The following CAPN10 variants were observed in gnomAD, a reference collection of about 807,000 sequenced individuals.
The protein encoded by CAPN10 is calpain 10, also known as calpain-10.
Under a neutral mutation model 78.4 loss-of-function variants are expected in CAPN10, and 71 were observed. The observed-to-expected ratio is 0.91, with a 90% CI of 0.75 to 1.10. The LOEUF is 1.10. Among genes scored for constraint, CAPN10 ranks in the 50% least tolerant of loss-of-function variants. The probability of loss-of-function intolerance (pLI) is 0.00; values close to 1 mark genes in which losing one functional copy is unlikely to be tolerated. For missense variants in CAPN10, 849 were observed against 924.6 expected (o/e 0.92, Z 1.06); for synonymous variants, 437 against 407.2 (o/e 1.07, Z -0.88).
At position 240,591,660 on chromosome 2, in the gene CAPN10, G is replaced by A. The variant is rs888795794; in HGVS notation, c.471-273G>A. On this transcript the variant is annotated intron_variant, in intron 3 of 11. Transcript: ENST00000391984. ...GGATGTGGGCATCCATAGCTTCCAC[G>A]CCTCCTGCCCTGCTCCTGTGCCCAC... is the stretch of plus-strand genomic sequence containing the variant. 343 of 498,624 alleles carry A rather than the reference G, an allele frequency of 6.9e-4. 1 individual carries two copies. The highest frequency in any genetic ancestry group is 1.5e-4 in the Non-Finnish European group (41 of 280,958). 30.9% of individuals were successfully genotyped at this position (498,624 alleles called of 1,614,324 possible). A position where few individuals can be genotyped will look rare whatever the true frequency, so the allele number is the denominator to read the frequency against.
intron 3 of CAPN10, chr2:240,591,730 G>T: frequency 1.7e-6 from 1 of 596,012 alleles, no homozygotes; most frequent in Non-Finnish European, 3.0e-6. Flanking sequence ...GGACTGCAGG[G>T]CGCTCACGCT....
At position 240,598,016 on chromosome 2, in the gene CAPN10, G is replaced by C; in HGVS notation, c.1872G>C (p.Lys624Asn). The C allele has an allele frequency of 6.2e-7, 1 of 1,613,270 alleles. No individual in the cohort carries two copies. Among genetic ancestry groups the C allele is most frequent in the Non-Finnish European group, 8.5e-7 (1 of 1,179,940 alleles). ...GCCTCCTGCCTGCGGGCACCTACAA[G>C]GTTGTGCCCTCCACCTACCTGCCGG... ...RLCLLPAGTY[K>N]VVPSTYLPDT... The change falls in exon 10 of 12, where the codon AAG becomes AAC. Residue 624 changes from lysine to asparagine, a missense_variant. By Grantham distance (94) the Lys-to-Asn change is moderately conservative (BLOSUM62 0). Coordinates refer to ENST00000391984, the MANE Select transcript of CAPN10 (RefSeq NM_023083.4).
intron 2 of CAPN10, 74 bp downstream of exon 2, chr2:240,589,548 G>T: frequency 6.6e-7 from 1 of 1,517,486 alleles, no homozygotes; most frequent in South Asian, 1.3e-5. Context: ...TGAGTACCAG[G>T]AGGCCTTGCG....
intron 7 of CAPN10, 30 bp from the exon 8 acceptor site, chr2:240,596,289 C>G (rs765606395): frequency 5.2e-5 from 82 of 1,582,028 alleles, no homozygotes; most frequent in Non-Finnish European, 6.7e-5. Flanking sequence ...GGCCGCTCCT[C>G]CACACTGAGC....
chr2:240,596,255 G>A, intron 7 of CAPN10, 64 bp from the exon 8 acceptor site: 1 of 1,527,966 alleles, frequency 6.5e-7, no homozygotes, highest in Non-Finnish European at 8.8e-7. Flanking sequence ...CAGCAGGGAG[G>A]TCAAGGCCAG....
At position 240,590,837 on chromosome 2, in the gene CAPN10, G is replaced by C; in HGVS notation, c.296G>C (p.Ser99Thr). 6.2e-7 allele frequency: 1 copy of C among 1,614,186 alleles called. No individual in the cohort carries two copies. Among genetic ancestry groups the C allele is most frequent in the Non-Finnish European group, 8.5e-7 (1 of 1,180,028 alleles). ...LDQVIPPGQP[S>T]WADQEYRGSF... ...CAGGTCATTCCTCCGGGACAGCCGA[G>C]CTGGGCCGACCAGGAGTACCGGGGC... is the stretch of plus-strand genomic sequence containing the variant. The change falls in exon 3 of 12, where the codon AGC (serine) becomes ACC (threonine). Residue 99 changes from serine (S) to threonine (T), a missense_variant. Transcript: ENST00000391984.
At position 240,589,323 on chromosome 2, in the gene CAPN10, G is replaced by C. The variant is rs202048700; in HGVS notation, c.142-20G>C. ...CCACAGCAGGCATGATCTAACTCTG[G>C]ACAACTTTCTGTATCTCAGGAGATT... On this transcript the variant is annotated intron_variant, in intron 1 of 11. Transcript: ENST00000391984. The C allele has an allele frequency of 1.9e-6, 3 of 1,614,130 alleles. No homozygotes were observed. The East Asian group carries it at 6.7e-5, about 36-fold the overall frequency.
At chr2:240,596,019 C>T (rs1178873736) in intron 7 of CAPN10, 3 of 1,472,694 alleles carry the variant, frequency 2.0e-6, no homozygotes, top group South Asian at 2.4e-5. Context: ...AAAGAAGTTG[C>T]TGGAAGGCCC....
At chr2:240,597,481 G>A (rs1291761336) in intron 9 of CAPN10, among the ~76,000 whole-genome samples, 1 of 152,182 alleles carries the variant, frequency 6.6e-6, no homozygotes, top group East Asian at 1.9e-4. Flanking sequence ...TGGAATGCAG[G>A]GGCCCTGACG....
chr2:240,591,279 C>A (rs2093100364), intron 3 of CAPN10: 2 of 426,918 alleles, frequency 4.7e-6, no homozygotes, highest in African/African-American at 4.0e-5. Context: ...GTGTGCCGTC[C>A]TCCTTATTTT....
intron 11 of CAPN10, 116 bp from the exon 12 acceptor site, chr2:240,598,535 G>A (rs939833412): frequency 1.4e-6 from 2 of 1,442,668 alleles, no homozygotes; most frequent in East Asian, 2.4e-5. Context: ...GCCCCGGGCG[G>A]TGCCTTGAAG....
chr2:240,592,762 C>T (rs948908305), intron 4 of CAPN10: 1 of 273,278 alleles, frequency 3.7e-6, no homozygotes, highest in Non-Finnish European at 7.2e-6. Flanking sequence ...GCTTCTCACA[C>T]TGCCACACAC....
chr2:240,595,249 G>C lies in CAPN10; in HGVS notation c.1223G>C (p.Ser408Thr). The change falls in exon 7 of 12, where the codon AGC becomes ACC. Residue 408 changes from serine (S) to threonine (T), a missense_variant. Ser to Thr is a moderately conservative substitution (Grantham distance 58). Transcript: ENST00000391984. ...GTGGGTGACAGTCATACTTCGTGGA[G>C]CCCAGCGAGCATCCCGGGCAAGCAC... ...ALVGDSHTSWSPASIPGKHYQ... is the reference protein window; with the variant it reads ...ALVGDSHTSWTPASIPGKHYQ... 1.2e-6 allele frequency: 2 copies of C among 1,613,644 alleles called. No homozygotes were observed. Among genetic ancestry groups the C allele is most frequent in the Non-Finnish European group, 1.7e-6 (2 of 1,180,038 alleles).
In CAPN10 at chr2:240,595,217, G is replaced by A. The variant is rs1335484785; in HGVS notation, c.1191G>A (p.Arg397=). The change falls in exon 7 of 12, where the codon CGG becomes CGA. Residue 397 remains arginine, a synonymous_variant. Coordinates refer to ENST00000391984, the MANE Select transcript of CAPN10 (RefSeq NM_023083.4). ...LHAADWAGRA[R]ALVGDSHTSW... ...CGGCGGACTGGGCAGGCCGGGCCCGGGCACTGGTGGGTGACAGTCATACTT... is the reference window on the plus strand; with the variant it reads ...CGGCGGACTGGGCAGGCCGGGCCCGAGCACTGGTGGGTGACAGTCATACTT... 15 of 1,613,556 alleles carry A rather than the reference G, an allele frequency of 9.3e-6. No homozygotes were observed. In the Admixed American group the frequency reaches 2.5e-4, roughly 27 times the overall value.
intron 3 of CAPN10, 58 bp downstream of exon 3, chr2:240,591,069 A>G: frequency 2.0e-6 from 3 of 1,523,256 alleles, no homozygotes; most frequent in East Asian, 2.3e-5. Flanking sequence ...TGCCACTACC[A>G]TGGGCTGCCC....
Position 240,594,550 on chromosome 2 carries a change from G to C in CAPN10, c.838G>C (p.Gly280Arg), listed in dbSNP as rs2093123665. 6.2e-7 allele frequency: 1 copy of C among 1,613,116 alleles called. No homozygotes were observed. Among genetic ancestry groups the C allele is most frequent in the East Asian group, 2.2e-5 (1 of 44,874 alleles). Residue 280 changes from glycine (G) to arginine (R), a missense_variant, in exon 6 of 12, where the codon GGG becomes CGG. Physicochemically the swap from Gly to Arg is moderately radical, Grantham distance 125 (BLOSUM62 -2). Coordinates refer to ENST00000391984, the MANE Select transcript of CAPN10 (RefSeq NM_023083.4). ...WQGLWREGGE[G>R]WSQVDAAVAS... is the part of the protein sequence containing the mutation. The stretch of plus-strand genomic sequence containing the variant: ...AGATGAGGTTTCTTCCAGGGGTGAA[G>C]GGTGGAGCCAGGTAGATGCAGCGGT...
chr2:240,589,505 G>C (rs1009140284), intron 2 of CAPN10, 31 bp downstream of exon 2: 1 of 1,585,566 alleles, frequency 6.3e-7, no homozygotes, highest in Admixed American at 1.8e-5. Flanking sequence ...GTTTGTCCTG[G>C]AGCCGGTTTC....
chr2:240,594,645 G>T lies in CAPN10; in HGVS notation c.933G>T (p.Glu311Asp), dbSNP rs768811919. The change falls in exon 6 of 12, where the codon GAG becomes GAT. Residue 311 changes from glutamate to aspartate, a missense_variant. Coordinates refer to ENST00000391984, the MANE Select transcript of CAPN10 (RefSeq NM_023083.4). ...TGGAGGAGGAGGAGTTCCTCAGGGAGTTTGACGAGCTCACCGTTGGCTACC... is the reference window on the plus strand; with the variant it reads ...TGGAGGAGGAGGAGTTCCTCAGGGATTTTGACGAGCTCACCGTTGGCTACC... ...FWVEEEEFLR[E>D]FDELTVGYPV... The T allele has an allele frequency of 1.9e-6, 3 of 1,613,842 alleles. No homozygotes were observed. In the East Asian group the frequency reaches 6.7e-5, roughly 36 times the overall value.
rs762730869 is a variant in CAPN10 at position 240,598,040 on chromosome 2, G to A, written c.1896G>A (p.Pro632=). Residue 632 remains proline (P), a synonymous_variant, in exon 10 of 12, where the codon CCG becomes CCA. Coordinates refer to ENST00000391984, the MANE Select transcript of CAPN10 (RefSeq NM_023083.4). The part of the protein sequence containing the change: ...TYKVVPSTYL[P]DTEGAFTVTI... Reference sequence around the variant, plus strand: ...AGGTTGTGCCCTCCACCTACCTGCCGGACACAGAGGGGGCCTTCACAGTGA... The same window carrying A: ...AGGTTGTGCCCTCCACCTACCTGCCAGACACAGAGGGGGCCTTCACAGTGA... 50 of 1,612,800 alleles carry A rather than the reference G, an allele frequency of 3.1e-5. No individual in the cohort carries two copies. In the Admixed American group the frequency reaches 7.2e-4, roughly 23 times the overall value.
Sources: gnomAD v4.1 joint callset for allele counts (sites outside exome capture counted in the v4.1 genomes callset) on GRCh38, gnomAD v4.1.1 for gene constraint, MANE v1.5 for transcripts, NCBI Gene and HGNC (gene_info 2026-07-23, HGNC 2026-07-21) for gene names.